ROBO1: variants seen among roughly 807,000 people sequenced by gnomAD.
ROBO1 encodes roundabout homolog 1.
ROBO1 carries 149 observed loss-of-function variants against 195.9 expected under a neutral mutation model. The observed-to-expected ratio is 0.76, with a 90% confidence interval of 0.67 to 0.87. The LOEUF (loss-of-function observed/expected upper bound fraction) is 0.87. Ranked by LOEUF, ROBO1 falls within the 40% of genes least tolerant of loss-of-function variation. The pLI, the probability that ROBO1 is intolerant of heterozygous loss-of-function variation, is 0.00. For synonymous variants in ROBO1, 816 were observed against 733.2 expected (o/e 1.11, Z -1.82); for missense variants, 1,933 against 2,068.3 (o/e 0.93, Z 1.27).
chr3:79,581,003 A>C (rs1293508192), intron 2 of ROBO1, among the ~76,000 whole-genome samples: 1 of 152,220 alleles, frequency 6.6e-6, no homozygotes, highest in Non-Finnish European at 1.5e-5. Flanking sequence ...GGATACATGC[A>C]CGTGGCAAGA....
rs1039913693 is a variant in ROBO1, at chr3:78,602,854, T to A, written c.4745-2545A>T. ...CCCTTAGATATCTTCCTTTGCTACA[T>A]TCTCTAAGACAGTGAATGACATCAC... On this transcript the variant is annotated intron_variant, in intron 29 of 30. Transcript: ENST00000464233. 2.0e-5 allele frequency among the ~76,000 whole-genome samples: 3 copies of A among 152,164 alleles called. No homozygotes were observed. The South Asian group carries it at 6.2e-4, about 32-fold the overall frequency.
chr3:78,917,434 G>A (rs1393712716), intron 4 of ROBO1, among the ~76,000 whole-genome samples: 1 of 151,928 alleles, frequency 6.6e-6, no homozygotes, highest in Non-Finnish European at 1.5e-5. Context: ...AATAACAAAC[G>A]TTTTTGAAAT....
At chr3:78,779,419 A>T (rs1389581962) in intron 4 of ROBO1, among the ~76,000 whole-genome samples, 1 of 152,216 alleles carries the variant, frequency 6.6e-6, no homozygotes, top group Non-Finnish European at 1.5e-5. Context: ...AGAAAAAAGC[A>T]AACAACCCCA....
At chr3:79,166,560 C>CTTTTTTTTTTTTTTTTT (rs968334923) in intron 2 of ROBO1, among the ~76,000 whole-genome samples, 26 of 135,098 alleles carry the variant, frequency 1.9e-4, no homozygotes, top group African/African-American at 4.5e-4. Context: ...TTCTATTTTT[C>CTTTTTTTTTTTTTTTTT]TTTTTTTTTT....
Position 78,968,259 on chromosome 3 carries a change from A to G in ROBO1, c.173-29332T>C, listed in dbSNP as rs546284091. Among the ~76,000 whole-genome samples the G allele has an allele frequency of 4.0e-5, 6 of 150,302 alleles. No homozygotes were observed. The South Asian group carries it at 1.3e-3, about 32-fold the overall frequency. Reference sequence around the variant, plus strand: ...ATGGAAAACATGTCACTTTATAGGAACTGTATAGATTCTTTTTTTTTTTTT... The same window carrying G: ...ATGGAAAACATGTCACTTTATAGGAGCTGTATAGATTCTTTTTTTTTTTTT... On this transcript the variant is annotated intron_variant, in intron 3 of 30. Transcript: ENST00000464233.
At position 78,598,439 on chromosome 3, in the gene ROBO1, AAT is replaced by A. The variant is rs1702967594; in HGVS notation, c.*472_*473del. ...TGATTTTGAAATCATGTTAAAATGAAATATGTTTTAATTTGCATTAGCAGTTG... is the reference window on the plus strand; with the variant it reads ...TGATTTTGAAATCATGTTAAAATGAAATGTTTTAATTTGCATTAGCAGTTG... On this transcript the variant is annotated 3_prime_UTR_variant, in exon 31 of 31. Coordinates refer to ENST00000464233, the MANE Select transcript of ROBO1 (RefSeq NM_002941.4). 1 of 152,924 alleles carries A rather than the reference AAT, an allele frequency of 6.5e-6. No homozygotes were observed. Among genetic ancestry groups the A allele is most frequent in the African/African-American group, 2.4e-5 (1 of 41,460 alleles). The allele number at this position is 152,924 out of a possible 1,614,324, so 9.5% of individuals were successfully genotyped here.
chr3:79,538,466 T>A (rs959503440), intron 2 of ROBO1, among the ~76,000 whole-genome samples: 1 of 150,566 alleles, frequency 6.6e-6, no homozygotes, highest in African/African-American at 2.5e-5. Flanking sequence ...TTATTATTGA[T>A]ACTATCACAA....
chr3:79,551,159 G>T (rs1425212568), intron 2 of ROBO1, among the ~76,000 whole-genome samples: 6 of 149,638 alleles, frequency 4.0e-5, no homozygotes, highest in African/African-American at 7.4e-5. Context: ...GTGATACACT[G>T]TTTTTTTTTC....
intron 1 of ROBO1, among the ~76,000 whole-genome samples, chr3:79,609,031 T>C (rs1416028627): frequency 6.6e-6 from 1 of 151,938 alleles, no homozygotes; most frequent in Non-Finnish European, 1.5e-5. Context: ...ATTTGTCCTT[T>C]TGACTTCTGC....
intron 3 of ROBO1, among the ~76,000 whole-genome samples, chr3:79,113,828 C>G (rs2079938931): frequency 6.6e-6 from 1 of 152,114 alleles, no homozygotes; most frequent in African/African-American, 2.4e-5. Flanking sequence ...GAACTTACTT[C>G]CCATTAAGCT....
At chr3:78,824,278 GA>G in intron 4 of ROBO1, among the ~76,000 whole-genome samples, 1 of 152,200 alleles carries the variant, frequency 6.6e-6, no homozygotes, top group Middle Eastern at 3.4e-3. Flanking sequence ...TTTTGCAATT[GA>G]AAGTAATGGC....
At chr3:79,726,767 C>T (rs1477717501) in intron 1 of ROBO1, among the ~76,000 whole-genome samples, 1 of 152,026 alleles carries the variant, frequency 6.6e-6, no homozygotes, top group African/African-American at 2.4e-5. Flanking sequence ...ATTTTTCAAT[C>T]GACATCTAGT....
intron 3 of ROBO1, among the ~76,000 whole-genome samples, chr3:79,099,820 C>T (rs1016716676): frequency 2.0e-5 from 3 of 151,620 alleles, no homozygotes; most frequent in Non-Finnish European, 4.4e-5. Context: ...TCAATTACCA[C>T]CCTAACTCCC....
chr3:79,334,539 G>A lies in ROBO1; in HGVS notation c.89-209000C>T, dbSNP rs6788970. 4.6e-5 allele frequency among the ~76,000 whole-genome samples: 7 copies of A among 151,628 alleles called. No homozygotes were observed. In the East Asian group the frequency reaches 9.7e-4, roughly 21 times the overall value. The stretch of plus-strand genomic sequence containing the variant: ...GTTATAGTAGATGTTCGATAAACTT[G>A]TGTTCAGAGAAGAAATAAATGAATG... On this transcript the variant is annotated intron_variant, in intron 2 of 30. Transcript: ENST00000464233.
intron 3 of ROBO1, among the ~76,000 whole-genome samples, chr3:79,040,144 A>G (rs2078458158): frequency 6.6e-6 from 1 of 152,134 alleles, no homozygotes; most frequent in Admixed American, 6.5e-5. Flanking sequence ...GAGACTTCAC[A>G]AGTACCCTAG....
intron 1 of ROBO1, among the ~76,000 whole-genome samples, chr3:79,643,301 G>T (rs1159246492): frequency 6.6e-6 from 1 of 152,134 alleles, no homozygotes; most frequent in Non-Finnish European, 1.5e-5. Context: ...CTACTTTTGA[G>T]GTTTTGGGAC....
chr3:79,304,929 A>G (rs1288387869), intron 2 of ROBO1, among the ~76,000 whole-genome samples: 1 of 152,228 alleles, frequency 6.6e-6, no homozygotes, highest in Admixed American at 6.5e-5. Context: ...TTTCACTTAC[A>G]TAACTGCCAA....
chr3:78,655,644 C>A (rs537153600), intron 18 of ROBO1, among the ~76,000 whole-genome samples: 1 of 152,240 alleles, frequency 6.6e-6, no homozygotes, highest in Admixed American at 6.5e-5. Context: ...TAATATTCTT[C>A]AAAATAAATG....
intron 3 of ROBO1, among the ~76,000 whole-genome samples, chr3:79,066,571 T>A (rs2079005959): frequency 6.6e-6 from 1 of 151,844 alleles, no homozygotes; most frequent in Non-Finnish European, 1.5e-5. Context: ...ACTGCCAGAG[T>A]AATTTTTTTA....
Sources: gnomAD v4.1 joint callset for allele counts (sites outside exome capture counted in the v4.1 genomes callset) on GRCh38, gnomAD v4.1.1 for gene constraint, MANE v1.5 for transcripts, NCBI Gene and HGNC (gene_info 2026-07-23, HGNC 2026-07-21) for gene names.